Variants in ATL3 observed in about 807,000 individuals in gnomAD.
ATL3 encodes atlastin-3.
In ATL3, 49 loss-of-function variants were observed where a neutral mutation model predicts 69.5. That is an observed-to-expected ratio of 0.71 (90% CI 0.56 to 0.89). The LOEUF (loss-of-function observed/expected upper bound fraction) is 0.89, where lower values mean the gene tolerates loss of function less well. Among genes scored for constraint, ATL3 ranks in the 40% least tolerant of loss-of-function variants. The pLI, the probability that ATL3 is intolerant of heterozygous loss-of-function variation, is 0.00. For missense variants in ATL3, 606 were observed against 645.7 expected (o/e 0.94, Z 0.67); for synonymous variants, 214 against 224.1 (o/e 0.95, Z 0.40).
chr11:63,626,430 T>C lies in ATL3; in HGVS notation c.*2889A>G, dbSNP rs535860484. 6.6e-6 allele frequency: 1 copy of C among 152,282 alleles called. No individual in the cohort carries two copies. The highest frequency in any genetic ancestry group is 1.5e-5 in the Non-Finnish European group (1 of 68,022). 9.4% of individuals were successfully genotyped at this position (152,282 alleles called of 1,614,324 possible). ...GCATGACTCTGAAGGTGTTTTATCA[T>C]ACATAGTAGTTTGTCTCATTTTATC... On this transcript the variant is annotated 3_prime_UTR_variant, in exon 13 of 13. Coordinates refer to ENST00000398868, the MANE Select transcript of ATL3 (RefSeq NM_015459.5).
chr11:63,629,430 T>C (rs1458512234), intron 12 of ATL3, 25 bp from the exon 13 acceptor site: 1 of 1,584,626 alleles, frequency 6.3e-7, no homozygotes, highest in East Asian at 2.2e-5. Flanking sequence ...TTATTCAACA[T>C]ATAAGTTAAT....
intron 11 of ATL3, chr11:63,632,367 T>C: frequency 1.1e-6 from 1 of 891,406 alleles, no homozygotes; most frequent in Non-Finnish European, 1.9e-6. Context: ...AAAATTCAGA[T>C]ACTGTCTTTG....
In ATL3 at chr11:63,624,132, T is replaced by C. The variant is rs1450404400; in HGVS notation, c.*5187A>G. On this transcript the variant is annotated 3_prime_UTR_variant, in exon 13 of 13. Coordinates refer to ENST00000398868, the MANE Select transcript of ATL3 (RefSeq NM_015459.5). The stretch of plus-strand genomic sequence containing the variant: ...CATTAAATGATCTTACAAATTGGAG[T>C]AAAACAGAAACATGCTTTTAATATA... The C allele has an allele frequency of 2.0e-5, 3 of 152,248 alleles. No individual in the cohort carries two copies. In the East Asian group the frequency reaches 5.8e-4, roughly 29 times the overall value. 9.4% of individuals were successfully genotyped at this position (152,248 alleles called of 1,614,324 possible).
intron 1 of ATL3, among the ~76,000 whole-genome samples, chr11:63,667,431 G>A (rs1940608426): frequency 6.6e-6 from 1 of 151,788 alleles, no homozygotes; most frequent in South Asian, 2.1e-4. Context: ...CCAGGTTCAA[G>A]TGATTCTCCC....
intron 5 of ATL3, chr11:63,650,572 C>T (rs1422369756): frequency 6.6e-6 from 1 of 152,152 alleles, no homozygotes; most frequent in African/African-American, 2.4e-5. Context: ...GCTGAGTCTA[C>T]CAACAGCCTT....
rs201750318 is a variant in ATL3 at position 63,633,011 on chromosome 11, G to A, written c.1107+15C>T. ...GATTATAGATATTTCAGAATAAGGC[G>A]TATGTCCCACGTACCTCTTCCATGT... On this transcript the variant is annotated intron_variant, in intron 11 of 12. Transcript: ENST00000398868. 1.2e-4 allele frequency: 190 copies of A among 1,610,362 alleles called. No homozygotes were observed. Among genetic ancestry groups the A allele is most frequent in the South Asian group, 2.0e-4 (18 of 90,986 alleles).
intron 5 of ATL3, among the ~76,000 whole-genome samples, chr11:63,647,875 G>A (rs1939935920): frequency 6.6e-6 from 1 of 152,214 alleles, no homozygotes; most frequent in Non-Finnish European, 1.5e-5. Flanking sequence ...GGCTTTCTCT[G>A]TTCTGCTAAG....
In ATL3 at chr11:63,659,157, T is replaced by C. The variant is rs1565282052; in HGVS notation, c.142A>G (p.Ser48Gly). The C allele has an allele frequency of 4.3e-6, 7 of 1,614,186 alleles. No homozygotes were observed. The highest frequency in any genetic ancestry group is 4.2e-6 in the Non-Finnish European group (5 of 1,180,034). Residue 48 changes from serine to glycine, a missense_variant, in exon 2 of 13, where the codon AGC becomes GGC. Coordinates refer to ENST00000398868, the MANE Select transcript of ATL3 (RefSeq NM_015459.5). Reference sequence around the variant, plus strand: ...CGGATGTGGTCCTGCAAGAGGATGCTGGCCAAGGCTTTCTCATCTAGCTCA... The same window carrying C: ...CGGATGTGGTCCTGCAAGAGGATGCCGGCCAAGGCTTTCTCATCTAGCTCA... Reference protein sequence around the residue: ...SFELDEKALASILLQDHIRDL... With the variant: ...SFELDEKALAGILLQDHIRDL...
chr11:63,645,742 C>T (rs1222914943), intron 6 of ATL3, among the ~76,000 whole-genome samples: 2 of 151,764 alleles, frequency 1.3e-5, no homozygotes, highest in Non-Finnish European at 2.9e-5. Context: ...CAGGCGTGCA[C>T]GACCTTTTTA....
In ATL3 at chr11:63,635,529, T is replaced by A; in HGVS notation, c.1035+5A>T. Reference sequence around the variant, plus strand: ...TAGCGTTTAGGATGTCAAATCATTGTTTACCTGAAGCATGGACTTGGGGTG... The same window carrying A: ...TAGCGTTTAGGATGTCAAATCATTGATTACCTGAAGCATGGACTTGGGGTG... On this transcript the variant is annotated splice_donor_5th_base_variant and intron_variant, in intron 10 of 12. Coordinates refer to ENST00000398868, the MANE Select transcript of ATL3 (RefSeq NM_015459.5). 1.2e-6 allele frequency: 2 copies of A among 1,611,004 alleles called. No individual in the cohort carries two copies. Among genetic ancestry groups the A allele is most frequent in the African/African-American group, 1.3e-5 (1 of 74,992 alleles).
chr11:63,660,444 C>T, intron 1 of ATL3, among the ~76,000 whole-genome samples: 1 of 152,142 alleles, frequency 6.6e-6, no homozygotes, highest in East Asian at 1.9e-4. Context: ...GGGTATGAAG[C>T]AACCGCAATT....
In ATL3 at chr11:63,659,029, C is replaced by T. The variant is rs377110368; in HGVS notation, c.261+9G>A. The T allele has an allele frequency of 6.2e-7, 1 of 1,612,966 alleles. No individual in the cohort carries two copies. The highest frequency in any genetic ancestry group is 8.5e-7 in the Non-Finnish European group (1 of 1,179,244). On this transcript the variant is annotated intron_variant, in intron 2 of 12. Coordinates refer to ENST00000398868, the MANE Select transcript of ATL3 (RefSeq NM_015459.5). ...ACTTTTTACTTGAAATAAAATAATT[C>T]TATCTTACCTGAGAATATAAGTATC...
At chr11:63,638,637 G>A (rs557888741) in intron 8 of ATL3, among the ~76,000 whole-genome samples, 56 of 152,108 alleles carry the variant, frequency 3.7e-4, no homozygotes, top group Non-Finnish European at 6.6e-4. Flanking sequence ...CCCGGGAGGC[G>A]GAGGTGGCAG....
intron 1 of ATL3, chr11:63,670,417 G>A (rs1565287023): frequency 6.6e-6 from 1 of 152,168 alleles, no homozygotes; most frequent in Admixed American, 6.6e-5. Context: ...TTGAATTTGA[G>A]AACTGAGACT....
chr11:63,667,161 T>C (rs1322756658), intron 1 of ATL3, among the ~76,000 whole-genome samples: 1 of 152,184 alleles, frequency 6.6e-6, no homozygotes, highest in Non-Finnish European at 1.5e-5. Context: ...CAACGTAGTG[T>C]ATACAGGGCT....
At chr11:63,634,038 CA>C (rs1158615731) in intron 10 of ATL3, among the ~76,000 whole-genome samples, 12,033 of 76,590 alleles carry the variant, frequency 0.16, 448 homozygotes, top group South Asian at 0.2. Flanking sequence ...CTGTCTCAAA[CA>C]AAAAAAAAAA....
intron 8 of ATL3, among the ~76,000 whole-genome samples, chr11:63,642,591 C>T (rs1455443379): frequency 6.6e-6 from 1 of 152,156 alleles, no homozygotes; most frequent in East Asian, 1.9e-4. Context: ...CGCCTCACCA[C>T]TTACTTAACT....
Position 63,625,455 on chromosome 11 carries a change from T to TA in ATL3, c.*3863dup, listed in dbSNP as rs369559507. 6.6e-6 allele frequency: 1 copy of TA among 152,194 alleles called. No individual in the cohort carries two copies. Among genetic ancestry groups the TA allele is most frequent in the Non-Finnish European group, 1.5e-5 (1 of 68,024 alleles). 9.4% of individuals were successfully genotyped at this position (152,194 alleles called of 1,614,324 possible). ...ACTGTTTTATTAAAGTTTTAATTTT[T>TA]AAAAAATTAAAAAATTAAAACTGTT... is the stretch of plus-strand genomic sequence containing the variant. On this transcript the variant is annotated 3_prime_UTR_variant, in exon 13 of 13. Coordinates refer to ENST00000398868, the MANE Select transcript of ATL3 (RefSeq NM_015459.5).
chr11:63,658,776 C>G lies in ATL3; in HGVS notation c.390G>C (p.Lys130Asn). The part of the protein sequence containing the change: ...QIWSEVFTVE[K>N]PGGKKVAVVL... ...TCATCCTTACCTTCTTCCCACCTGG[C>G]TTCTCCACAGTGAAAACTTCACTCC... The change falls in exon 3 of 13, where the codon AAG (lysine) becomes AAC (asparagine). Residue 130 changes from lysine (K) to asparagine (N), a missense_variant. By Grantham distance (94) the Lys-to-Asn change is moderately conservative. Transcript: ENST00000398868. The G allele has an allele frequency of 1.2e-6, 2 of 1,603,194 alleles. No homozygotes were observed. The highest frequency in any genetic ancestry group is 1.7e-6 in the Non-Finnish European group (2 of 1,177,008).
Sources: gnomAD v4.1 joint callset for allele counts (sites outside exome capture counted in the v4.1 genomes callset) on GRCh38, gnomAD v4.1.1 for gene constraint, MANE v1.5 for transcripts, NCBI Gene and HGNC (gene_info 2026-07-23, HGNC 2026-07-21) for gene names.